The following IL1RAPL2 variants were observed in gnomAD, a reference collection of about 807,000 sequenced individuals.
IL1RAPL2 encodes interleukin 1 receptor accessory protein like 2.
In IL1RAPL2, 3 loss-of-function variants were observed where a neutral mutation model predicts 44.1. The observed-to-expected ratio is 0.07, with a 90% CI of 0.03 to 0.18. IL1RAPL2 has a LOEUF of 0.18. Among genes scored for constraint, IL1RAPL2 ranks in the 10% least tolerant of loss-of-function variants. The pLI, the probability that IL1RAPL2 is intolerant of heterozygous loss-of-function variation, is 1.00. For synonymous variants in IL1RAPL2, 181 were observed against 178.8 expected (o/e 1.01, Z -0.10); for missense variants, 391 against 496.4 (o/e 0.79, Z 2.02).
intron 6 of IL1RAPL2, among the ~76,000 whole-genome samples, chrX:105,633,834 A>G (rs1468757076): frequency 9.0e-6 from 1 of 111,462 alleles, no homozygotes; most frequent in Non-Finnish European, 1.9e-5. Context: ...TTTGGATTTG[A>G]GCCTAGGGAG....
chrX:105,326,284 T>C (rs1352082478), intron 5 of IL1RAPL2, among the ~76,000 whole-genome samples: 1 of 111,227 alleles, frequency 9.0e-6, no homozygotes, highest in Admixed American at 9.6e-5. Context: ...CTGGAACTTC[T>C]GGCCTCAAGC....
intron 6 of IL1RAPL2, among the ~76,000 whole-genome samples, chrX:105,512,810 G>A (rs2036480059): frequency 9.0e-6 from 1 of 111,093 alleles, no homozygotes; most frequent in Non-Finnish European, 1.9e-5. Context: ...GGGTACAAGT[G>A]CAGAACATGC....
chrX:104,981,321 C>T (rs1263424175), intron 2 of IL1RAPL2, among the ~76,000 whole-genome samples: 1 of 109,808 alleles, frequency 9.1e-6, no homozygotes, highest in African/African-American at 3.3e-5. Context: ...TGTCTATTGC[C>T]TGCTTCTTTG....
intron 2 of IL1RAPL2, among the ~76,000 whole-genome samples, chrX:105,000,502 T>C (rs1416264227): frequency 9.0e-6 from 1 of 111,202 alleles, no homozygotes; most frequent in Non-Finnish European, 1.9e-5. Context: ...GTACTGATTG[T>C]GCTGTCATCC....
In IL1RAPL2 at chrX:105,689,253, G is replaced by A. The variant is rs545222663; in HGVS notation, c.773-28114G>A. Among the ~76,000 whole-genome samples the A allele has an allele frequency of 9.5e-3, 1,058 of 111,425 alleles. 6 individuals carry two copies. Among genetic ancestry groups the A allele is most frequent in the Non-Finnish European group, 0.014 (758 of 53,035 alleles). The stretch of plus-strand genomic sequence containing the variant: ...TAATTAAACTAAAGAGCTTCTGCAT[G>A]GCAAAAGAAACTACCATCAGAGTGA... On this transcript the variant is annotated intron_variant, in intron 6 of 10. Transcript: ENST00000372582.
At chrX:104,884,781 A>G (rs1307866585) in intron 2 of IL1RAPL2, among the ~76,000 whole-genome samples, 1 of 111,664 alleles carries the variant, frequency 9.0e-6, no homozygotes, top group Non-Finnish European at 1.9e-5. Context: ...CTTGCAATTT[A>G]CATCCCACAG....
chrX:105,607,964 G>A (rs2037308194), intron 6 of IL1RAPL2, among the ~76,000 whole-genome samples: 1 of 110,810 alleles, frequency 9.0e-6, no homozygotes, highest in African/African-American at 3.3e-5. Flanking sequence ...ATGGTATAAA[G>A]AGCTTATGGA....
intron 2 of IL1RAPL2, among the ~76,000 whole-genome samples, chrX:104,928,118 G>A (rs1024086109): frequency 9.0e-6 from 1 of 111,298 alleles, no homozygotes; most frequent in African/African-American, 3.3e-5. Flanking sequence ...TGGAGAATGG[G>A]GTATCCATCC....
At chrX:105,705,835 G>C (rs1448887238) in intron 6 of IL1RAPL2, among the ~76,000 whole-genome samples, 4 of 111,422 alleles carry the variant, frequency 3.6e-5, no homozygotes, top group African/African-American at 1.3e-4. Flanking sequence ...GTAGATACTT[G>C]TTATATGTTT....
At chrX:104,603,500 C>G (rs750163979) in intron 1 of IL1RAPL2, among the ~76,000 whole-genome samples, 30 of 111,624 alleles carry the variant, frequency 2.7e-4, no homozygotes, top group Non-Finnish European at 5.1e-4. Flanking sequence ...TAATAACAAA[C>G]TTCTCCAAGC....
intron 6 of IL1RAPL2, among the ~76,000 whole-genome samples, chrX:105,610,956 G>A (rs1287388936): frequency 1.8e-5 from 2 of 111,795 alleles, no homozygotes; most frequent in Non-Finnish European, 3.8e-5. Context: ...CATAAGAAGT[G>A]AAATCTTCAC....
intron 6 of IL1RAPL2, among the ~76,000 whole-genome samples, chrX:105,563,509 T>G (rs184999766): frequency 8.9e-5 from 10 of 111,943 alleles, no homozygotes; most frequent in Non-Finnish European, 1.9e-4. Flanking sequence ...ATGAAATGAC[T>G]AATATTCAAG....
chrX:105,636,712 G>A (rs1381333466), intron 6 of IL1RAPL2, among the ~76,000 whole-genome samples: 3 of 111,939 alleles, frequency 2.7e-5, no homozygotes, highest in Non-Finnish European at 5.6e-5. Flanking sequence ...AATCAACACA[G>A]TATAATACAG....
chrX:105,044,975 G>A (rs1028501985), intron 2 of IL1RAPL2, among the ~76,000 whole-genome samples: 1 of 111,454 alleles, frequency 9.0e-6, no homozygotes, highest in Non-Finnish European at 1.9e-5. Context: ...GTATAGATTG[G>A]AGCCAGAGGA....
intron 1 of IL1RAPL2, among the ~76,000 whole-genome samples, chrX:104,605,929 A>T (rs1043052544): frequency 1.8e-5 from 2 of 112,069 alleles, no homozygotes; most frequent in African/African-American, 6.5e-5. Context: ...AAACTATTCC[A>T]ATCAATAGAA....
Position 105,403,383 on chromosome X carries a change from A to T in IL1RAPL2, c.698-80930A>T, listed in dbSNP as rs901124872. 1.5e-4 allele frequency among the ~76,000 whole-genome samples: 17 copies of T among 110,734 alleles called. No homozygotes were observed. The East Asian group carries it at 2.0e-3, about 13-fold the overall frequency. Reference sequence around the variant, plus strand: ...CAAGTAAATGACATTTTGAAATATTATTTTTTTTCTAAAGTATAAAAGACC... The same window carrying T: ...CAAGTAAATGACATTTTGAAATATTTTTTTTTTTCTAAAGTATAAAAGACC... On this transcript the variant is annotated intron_variant, in intron 5 of 10. Coordinates refer to ENST00000372582, the MANE Select transcript of IL1RAPL2 (RefSeq NM_017416.2).
chrX:105,043,360 A>G (rs1269569529), intron 2 of IL1RAPL2, among the ~76,000 whole-genome samples: 7 of 110,099 alleles, frequency 6.4e-5, no homozygotes, highest in Non-Finnish European at 1.3e-4. Flanking sequence ...ATGTTGGCTC[A>G]CCTGGAAGCA....
chrX:105,743,556 A>G (rs2038517237), intron 8 of IL1RAPL2, among the ~76,000 whole-genome samples: 1 of 111,194 alleles, frequency 9.0e-6, no homozygotes, highest in Non-Finnish European at 1.9e-5. Context: ...AAATGATATT[A>G]CCTTTCATTT....
chrX:104,926,855 A>AG (rs998292536), intron 2 of IL1RAPL2, among the ~76,000 whole-genome samples: 3 of 111,644 alleles, frequency 2.7e-5, no homozygotes, highest in African/African-American at 9.8e-5. Flanking sequence ...ACTCAGGCTT[A>AG]GGGATTCAAC....
Sources: allele counts gnomAD v4.1 joint callset (sites outside exome capture counted in the v4.1 genomes callset), GRCh38; gene constraint gnomAD v4.1.1; transcripts MANE v1.5; gene names NCBI Gene and HGNC (gene_info 2026-07-23, HGNC 2026-07-21).